Variants in SIPA1L3 observed in about 807,000 individuals in gnomAD.
SIPA1L3 encodes signal-induced proliferation-associated 1-like protein 3.
A neutral mutation model predicts 150.1 loss-of-function variants in SIPA1L3; 59 were observed. The observed-to-expected ratio is 0.39, with a 90% confidence interval of 0.32 to 0.49. SIPA1L3 has a LOEUF of 0.49. Among genes scored for constraint, SIPA1L3 ranks in the 20% least tolerant of loss-of-function variants. SIPA1L3 has a pLI of 0.86. For synonymous variants in SIPA1L3, 1,070 were observed against 1,077.6 expected (o/e 0.99, Z 0.14); for missense variants, 2,211 against 2,489.5 (o/e 0.89, Z 2.38).
intron 1 of SIPA1L3, among the ~76,000 whole-genome samples, chr19:37,917,730 C>T (rs765139844): frequency 1.3e-5 from 2 of 152,098 alleles, no homozygotes; most frequent in South Asian, 2.1e-4. Context: ...TGAGGCCGGT[C>T]GTAGAAGATC....
At chr19:37,927,655 GT>G (rs1405400582) in intron 1 of SIPA1L3, among the ~76,000 whole-genome samples, 142 of 7,464 alleles carry the variant, frequency 0.019, 2 homozygotes, top group East Asian at 0.12. Context: ...AGAACATGGG[GT>G]GTGTGTGTGT....
chr19:38,173,647 C>A (rs73627654), intron 15 of SIPA1L3: 21,080 of 152,324 alleles, frequency 0.14, 1,531 homozygotes, highest in African/African-American at 0.18. Flanking sequence ...CCCTGGGATG[C>A]CCTTCTGGGG....
intron 8 of SIPA1L3, among the ~76,000 whole-genome samples, chr19:38,112,095 ACC>A (rs1568556096): frequency 4.7e-5 from 5 of 106,320 alleles, no homozygotes; most frequent in South Asian, 2.9e-4. Flanking sequence ...ACATGCACAC[ACC>A]TACATGCACA....
intron 1 of SIPA1L3, among the ~76,000 whole-genome samples, chr19:38,001,995 C>T (rs1159276913): frequency 6.6e-6 from 1 of 152,086 alleles, no homozygotes; most frequent in African/African-American, 2.4e-5. Flanking sequence ...CATTTAGTAA[C>T]CTAGAAGTCA....
intron 18 of SIPA1L3, 100 bp downstream of exon 18, chr19:38,193,880 C>A: frequency 7.7e-7 from 1 of 1,304,552 alleles, no homozygotes; most frequent in South Asian, 1.6e-5. Context: ...GGCTAGAGGT[C>A]ATCAGTGTCG....
chr19:38,052,120 G>A (rs770657186), intron 2 of SIPA1L3, among the ~76,000 whole-genome samples: 30 of 152,254 alleles, frequency 2.0e-4, no homozygotes, highest in East Asian at 1.9e-4. Flanking sequence ...CCTGTACATC[G>A]TGGAAGAGAG....
rs1482979470 is a variant in SIPA1L3, at chr19:38,033,911, C to T, written c.-311+4755C>T. ...CCATTTGCATCATGGTATGTGCATT[C>T]GGCCAGGAATGTCTTCAAGTTTCAG... On this transcript the variant is annotated intron_variant, in intron 2 of 21. Coordinates refer to ENST00000222345, the MANE Select transcript of SIPA1L3 (RefSeq NM_015073.3). 3.3e-5 allele frequency among the ~76,000 whole-genome samples: 5 copies of T among 152,220 alleles called. No individual in the cohort carries two copies. In the South Asian group the frequency reaches 8.3e-4, roughly 25 times the overall value.
intron 2 of SIPA1L3, among the ~76,000 whole-genome samples, chr19:38,069,424 G>GC (rs1410056688): frequency 6.6e-6 from 1 of 152,088 alleles, no homozygotes; most frequent in African/African-American, 2.4e-5. Flanking sequence ...TCCCTGCTGG[G>GC]CCTGCTGTAT....
chr19:37,999,177 A>G (rs1210600448), intron 1 of SIPA1L3, among the ~76,000 whole-genome samples: 1 of 152,118 alleles, frequency 6.6e-6, no homozygotes, highest in Non-Finnish European at 1.5e-5. Flanking sequence ...TGGTTCAGCA[A>G]CTGGACAGAT....
chr19:37,912,744 G>A lies in SIPA1L3; in HGVS notation c.-379+5386G>A, dbSNP rs948648420. Reference sequence around the variant, plus strand: ...AGTCCTGGCCTCAAATGATCCTCCCGCCTCAGCCTACATGTGTTCTTTCAA... The same window carrying A: ...AGTCCTGGCCTCAAATGATCCTCCCACCTCAGCCTACATGTGTTCTTTCAA... On this transcript the variant is annotated intron_variant, in intron 1 of 21. Transcript: ENST00000222345. Among the ~76,000 whole-genome samples, 3 of 152,078 alleles carry A rather than the reference G, an allele frequency of 2.0e-5. No homozygotes were observed. In the South Asian group the frequency reaches 6.2e-4, roughly 32 times the overall value.
At chr19:37,910,398 A>G (rs1003010439) in intron 1 of SIPA1L3, among the ~76,000 whole-genome samples, 7 of 151,888 alleles carry the variant, frequency 4.6e-5, no homozygotes, top group African/African-American at 1.7e-4. Flanking sequence ...GCGAAACCCC[A>G]TCTCTACAAA....
chr19:38,112,675 C>T (rs141641654), intron 8 of SIPA1L3, among the ~76,000 whole-genome samples: 128 of 152,296 alleles, frequency 8.4e-4, no homozygotes, highest in African/African-American at 2.8e-3. Context: ...TTGTTTGCTT[C>T]GGCTCTCCCT....
chr19:38,191,649 CT>C (rs1477999270), intron 16 of SIPA1L3, among the ~76,000 whole-genome samples: 2 of 151,902 alleles, frequency 1.3e-5, no homozygotes, highest in Admixed American at 1.3e-4. Flanking sequence ...CCTGTCTCTA[CT>C]AAAAGTACAA....
intron 1 of SIPA1L3, among the ~76,000 whole-genome samples, chr19:37,993,646 T>C (rs1967566642): frequency 6.6e-6 from 1 of 152,134 alleles, no homozygotes; most frequent in Non-Finnish European, 1.5e-5. Context: ...TGTGGAGAGC[T>C]CCTCCTCTGG....
chr19:37,991,328 C>G (rs1242873527), intron 1 of SIPA1L3, among the ~76,000 whole-genome samples: 2 of 152,256 alleles, frequency 1.3e-5, no homozygotes, highest in Non-Finnish European at 2.9e-5. Context: ...GCTTCCAATT[C>G]CATGCTCTTA....
chr19:37,958,526 T>G (rs2046830220), intron 1 of SIPA1L3, among the ~76,000 whole-genome samples: 1 of 152,228 alleles, frequency 6.6e-6, no homozygotes, highest in East Asian at 1.9e-4. Context: ...AAGTAGATCA[T>G]AGACCTAAAT....
In SIPA1L3 at chr19:37,970,156, G is replaced by A. The variant is rs544931888; in HGVS notation, c.-378-58933G>A. Among the ~76,000 whole-genome samples the A allele has an allele frequency of 2.0e-5, 3 of 152,328 alleles. No homozygotes were observed. The South Asian group carries it at 6.2e-4, about 32-fold the overall frequency. The stretch of plus-strand genomic sequence containing the variant: ...TAGAGCAGGGAACAAAGTCTGGCCG[G>A]AAGTTTTTAAAACCCTGGCGGTGAA... On this transcript the variant is annotated intron_variant, in intron 1 of 21. Transcript: ENST00000222345.
intron 8 of SIPA1L3, among the ~76,000 whole-genome samples, chr19:38,117,021 T>A (rs1311186682): frequency 6.6e-6 from 1 of 152,184 alleles, no homozygotes; most frequent in Non-Finnish European, 1.5e-5. Context: ...AAGATATTCA[T>A]CAAATCTCCA....
chr19:38,192,033 AG>A (rs1972815650), intron 16 of SIPA1L3, 111 bp from the exon 17 acceptor site: 2 of 946,274 alleles, frequency 2.1e-6, no homozygotes, highest in Non-Finnish European at 3.2e-6. Context: ...GGTGAAGGAG[AG>A]AAGGCTGTGG....
Sources: gnomAD v4.1 joint callset for allele counts (sites outside exome capture counted in the v4.1 genomes callset) on GRCh38, gnomAD v4.1.1 for gene constraint, MANE v1.5 for transcripts, NCBI Gene and HGNC (gene_info 2026-07-23, HGNC 2026-07-21) for gene names.